Variants in SDK1 observed in about 807,000 individuals in gnomAD.
SDK1 encodes protein sidekick-1.
A neutral mutation model predicts 245.5 loss-of-function variants in SDK1; 157 were observed. The observed-to-expected ratio is 0.64, with a 90% CI of 0.56 to 0.73. The LOEUF (loss-of-function observed/expected upper bound fraction) is 0.73. Among genes scored for constraint, SDK1 ranks in the 30% least tolerant of loss-of-function variants. The pLI is 0.00. For synonymous variants in SDK1, 1,647 were observed against 1,278.5 expected (o/e 1.29, Z -6.15); for missense variants, 3,583 against 3,002.3 (o/e 1.19, Z -4.52).
Position 3,924,023 on chromosome 7 carries a change from G to C in SDK1, c.848-26900G>C, listed in dbSNP as rs143126382. Among the ~76,000 whole-genome samples, 753 of 152,106 alleles carry C rather than the reference G, an allele frequency of 5.0e-3. 2 individuals carry two copies. The highest frequency in any genetic ancestry group is 7.9e-3 in the Non-Finnish European group (539 of 68,006). On this transcript the variant is annotated intron_variant, in intron 5 of 44. Transcript: ENST00000404826. ...CTATTTCCCTACTATTTTTTCTTTG[G>C]ATATTTCTATAGAGATTTAGGAAGA...
At chr7:3,644,249 A>ATATG (rs1782749648) in intron 4 of SDK1, among the ~76,000 whole-genome samples, 1 of 149,938 alleles carries the variant, frequency 6.7e-6, no homozygotes, top group South Asian at 2.1e-4. Flanking sequence ...AAATTTATAT[A>ATATG]TATATATATA....
At chr7:3,356,474 G>T (rs1780798249) in intron 1 of SDK1, among the ~76,000 whole-genome samples, 2 of 152,098 alleles carry the variant, frequency 1.3e-5, no homozygotes, top group Admixed American at 6.5e-5. Context: ...TACGAGTTGG[G>T]AGGCTGCAGT....
intron 38 of SDK1, among the ~76,000 whole-genome samples, chr7:4,211,595 G>A (rs1439319287): frequency 6.6e-6 from 1 of 152,074 alleles, no homozygotes; most frequent in Non-Finnish European, 1.5e-5. Flanking sequence ...CCCTGCTCAG[G>A]TATTTGTTCT....
At chr7:3,502,223 ATTTT>A (rs561329481) in intron 1 of SDK1, among the ~76,000 whole-genome samples, 3 of 150,994 alleles carry the variant, frequency 2.0e-5, no homozygotes, top group Non-Finnish European at 4.4e-5. Flanking sequence ...TGTTTCAAAG[ATTTT>A]TTTTTAATTA....
At chr7:4,169,360 C>T (rs1228264225) in intron 32 of SDK1, among the ~76,000 whole-genome samples, 4 of 152,202 alleles carry the variant, frequency 2.6e-5, no homozygotes, top group Non-Finnish European at 4.4e-5. Context: ...GGCTGCTGCT[C>T]CTAGACCCAC....
intron 35 of SDK1, among the ~76,000 whole-genome samples, chr7:4,181,804 C>A (rs997693304): frequency 2.6e-5 from 4 of 152,220 alleles, no homozygotes; most frequent in African/African-American, 7.2e-5. Flanking sequence ...TCACAGAGCT[C>A]GAAGGCGGGT....
chr7:4,157,478 G>GAAGGAAGGAAGGA (rs376827178), intron 30 of SDK1, among the ~76,000 whole-genome samples: 58,917 of 131,342 alleles, frequency 0.45, 14,574 homozygotes, highest in East Asian at 0.77. Flanking sequence ...AGGAAGGAGG[G>GAAGGAAGGAAGGA]AAGGAAGGGA....
chr7:3,675,989 G>A (rs1382346810), intron 4 of SDK1, among the ~76,000 whole-genome samples: 3 of 152,082 alleles, frequency 2.0e-5, no homozygotes, highest in African/African-American at 7.2e-5. Flanking sequence ...CATTCTGTAG[G>A]TTGTCTGTTT....
chr7:3,934,479 A>G (rs1417740083), intron 5 of SDK1, among the ~76,000 whole-genome samples: 1 of 152,264 alleles, frequency 6.6e-6, no homozygotes, highest in Admixed American at 6.5e-5. Context: ...AACATCCCAG[A>G]GCTTTCCTGC....
intron 34 of SDK1, among the ~76,000 whole-genome samples, chr7:4,178,272 C>T (rs771905685): frequency 3.9e-5 from 6 of 152,106 alleles, no homozygotes; most frequent in Admixed American, 2.0e-4. Context: ...AGGATGGGTA[C>T]GTCTTTTGCT....
intron 22 of SDK1, among the ~76,000 whole-genome samples, chr7:4,094,860 G>A (rs926374031): frequency 2.0e-5 from 3 of 152,204 alleles, no homozygotes. Context: ...GCAGAGTCAA[G>A]CATCAGGACA....
At position 3,418,806 on chromosome 7, in the gene SDK1, A is replaced by G. The variant is rs143382790; in HGVS notation, c.298+116922A>G. Among the ~76,000 whole-genome samples the G allele has an allele frequency of 5.0e-3, 756 of 152,292 alleles. 9 individuals are homozygous for G. The highest frequency in any genetic ancestry group is 0.017 in the African/African-American group (709 of 41,568). On this transcript the variant is annotated intron_variant, in intron 1 of 44. Transcript: ENST00000404826. ...GCAAGTTGACTATTCTCAGCACTTT[A>G]TATATACAGTCGTCCCTCATTGTAC...
intron 19 of SDK1, among the ~76,000 whole-genome samples, chr7:4,066,876 C>T (rs1348875302): frequency 6.6e-6 from 1 of 152,190 alleles, no homozygotes; most frequent in Non-Finnish European, 1.5e-5. Flanking sequence ...CTTCCTCAAG[C>T]AGTTTGCTTT....
At position 4,082,374 on chromosome 7, in the gene SDK1, A is replaced by T. The variant is rs144984251; in HGVS notation, c.3324+2790A>T. Among the ~76,000 whole-genome samples, 13 of 152,086 alleles carry T rather than the reference A, an allele frequency of 8.5e-5. No homozygotes were observed. In the East Asian group the frequency reaches 2.0e-3, roughly 23 times the overall value. On this transcript the variant is annotated intron_variant, in intron 22 of 44. Transcript: ENST00000404826. ...AACATGTGAAACCCCATCTCTACTAAAAATACAAAAATTAGCCAGGCATGG... is the reference window on the plus strand; with the variant it reads ...AACATGTGAAACCCCATCTCTACTATAAATACAAAAATTAGCCAGGCATGG...
At chr7:4,237,060 A>G (rs1207500137) in intron 41 of SDK1, among the ~76,000 whole-genome samples, 1 of 151,676 alleles carries the variant, frequency 6.6e-6, no homozygotes, top group African/African-American at 2.4e-5. Flanking sequence ...GTGTGCCACC[A>G]TACCTTGTTT....
intron 5 of SDK1, among the ~76,000 whole-genome samples, chr7:3,942,970 G>A (rs1275904007): frequency 2.0e-5 from 3 of 152,190 alleles, no homozygotes; most frequent in Non-Finnish European, 4.4e-5. Flanking sequence ...GTTTTCTGGT[G>A]TGGCACAGGG....
At chr7:4,182,277 T>C (rs1175902274) in intron 35 of SDK1, among the ~76,000 whole-genome samples, 1 of 152,116 alleles carries the variant, frequency 6.6e-6, no homozygotes, top group Non-Finnish European at 1.5e-5. Context: ...AGATTTCCCC[T>C]CTGTGCGGTA....
intron 22 of SDK1, among the ~76,000 whole-genome samples, chr7:4,086,182 C>G (rs964309318): frequency 6.6e-6 from 1 of 152,146 alleles, no homozygotes; most frequent in African/African-American, 2.4e-5. Flanking sequence ...CATGTGTGCA[C>G]TTGTCCTTTC....
chr7:3,803,613 C>G (rs1327817368), intron 4 of SDK1, among the ~76,000 whole-genome samples: 1 of 151,966 alleles, frequency 6.6e-6, no homozygotes, highest in African/African-American at 2.4e-5. Flanking sequence ...GCCTGTTACA[C>G]TTTCCCCATT....
Sources: allele counts gnomAD v4.1 joint callset (sites outside exome capture counted in the v4.1 genomes callset), GRCh38; gene constraint gnomAD v4.1.1; transcripts MANE v1.5; gene names NCBI Gene and HGNC (gene_info 2026-07-23, HGNC 2026-07-21).